TPRN: variants seen among roughly 807,000 people sequenced by gnomAD.
The protein encoded by TPRN is taperin.
In TPRN, 32 loss-of-function variants were observed where a neutral mutation model predicts 42.6. The observed-to-expected ratio is 0.75, with a 90% confidence interval of 0.57 to 1.01. The LOEUF is 1.01. TPRN is among the 50% of genes least tolerant of loss of function. The pLI is 0.00. For missense variants in TPRN, 1,095 were observed against 957.5 expected (o/e 1.14, Z -1.90); for synonymous variants, 541 against 445.6 (o/e 1.21, Z -2.70).
intron 1 of TPRN, chr9:137,193,030 T>TGCCAGCTGGGG (rs1834650330): frequency 2.9e-6 from 1 of 348,604 alleles, no homozygotes; most frequent in African/African-American, 2.1e-5. Flanking sequence ...CTGGGCAGAG[T>TGCCAGCTGGGG]GCCAGCTGGG....
intron 1 of TPRN, chr9:137,193,087 C>T: frequency 3.9e-6 from 1 of 259,036 alleles, no homozygotes; most frequent in Middle Eastern, 1.3e-3. Flanking sequence ...AGCTCTAGAG[C>T]AGGAACAGGG....
Position 137,200,699 on chromosome 9 carries a change from C to G in TPRN, c.13G>C (p.Gly5Arg). 1 of 1,192,394 alleles carries G rather than the reference C, an allele frequency of 8.4e-7. No homozygotes were observed. The highest frequency in any genetic ancestry group is 1.0e-6 in the Non-Finnish European group (1 of 956,640). 73.9% of individuals were successfully genotyped at this position (1,192,394 alleles called of 1,614,324 possible). The change falls in exon 1 of 4, where the codon GGG (glycine) becomes CGG (arginine). Residue 5 changes from glycine to arginine, a missense_variant. Transcript: ENST00000409012. The surrounding 1 kb of genome is among the most constrained non-coding windows in gnomAD (Gnocchi z 4.3). MAAL[G>R]RPGSGPRAAV... The stretch of plus-strand genomic sequence containing the variant: ...GCGCGCGGCCCCGAGCCCGGCCGCC[C>G]CAGGGCGGCCATGCTGCGAACGCGG...
chr9:137,195,331 C>T (rs533193741), intron 1 of TPRN, among the ~76,000 whole-genome samples: 1 of 152,356 alleles, frequency 6.6e-6, no homozygotes, highest in East Asian at 1.9e-4. Flanking sequence ...GAGGGAGGAG[C>T]GTCCAGGCCG....
intron 1 of TPRN, among the ~76,000 whole-genome samples, chr9:137,196,501 C>T (rs1287224113): frequency 5.3e-5 from 8 of 152,288 alleles, no homozygotes; most frequent in South Asian, 2.1e-4. Context: ...GCAGGAGAAT[C>T]GCTTGAACCC....
At position 137,200,595 on chromosome 9, in the gene TPRN, G is replaced by A. The variant is rs1834794864; in HGVS notation, c.117C>T (p.Pro39=). The A allele has an allele frequency of 8.7e-7, 1 of 1,154,966 alleles. No homozygotes were observed. Among genetic ancestry groups the A allele is most frequent in the Non-Finnish European group, 1.1e-6 (1 of 942,410 alleles). The allele number at this position is 1,154,966 out of a possible 1,614,324, so 71.5% of individuals were successfully genotyped here. ...CCCGCTGCTCGGGCTCCGCCGCCCCGGGCCCCGCGCCCCCGCCCAGCGCGG... is the reference window on the plus strand; with the variant it reads ...CCCGCTGCTCGGGCTCCGCCGCCCCAGGCCCCGCGCCCCCGCCCAGCGCGG... ...KLAALGGGAG[P]GAAEPEQRVL... Residue 39 remains proline (P), a synonymous_variant, in exon 1 of 4, where the codon CCC becomes CCT. Coordinates refer to ENST00000409012, the MANE Select transcript of TPRN (RefSeq NM_001128228.3). This position sits in a 1 kb window ranked among gnomAD's most constrained non-coding sequence, Gnocchi z 4.3.
Position 137,200,286 on chromosome 9 carries a change from C to A in TPRN, c.426G>T (p.Pro142=), listed in dbSNP as rs1478692998. The A allele has an allele frequency of 2.0e-5, 20 of 986,182 alleles. No individual in the cohort carries two copies. The African/African-American group carries it at 3.4e-4, about 17-fold the overall frequency. The allele number at this position is 986,182 out of a possible 1,614,324, so 61.1% of individuals were successfully genotyped here. Residue 142 remains proline, a synonymous_variant, in exon 1 of 4, where the codon CCG becomes CCT. Coordinates refer to ENST00000409012, the MANE Select transcript of TPRN (RefSeq NM_001128228.3). The surrounding 1 kb of genome is among the most constrained non-coding windows in gnomAD (Gnocchi z 4.3). Reference sequence around the variant, plus strand: ...TCCCGCGGCGGCGCGGCGCGGCGGGCGGGTCGAACCTCTCCAGTAGGCGGC... The same window carrying A: ...TCCCGCGGCGGCGCGGCGCGGCGGGAGGGTCGAACCTCTCCAGTAGGCGGC... ...RVSRLLERFD[P]PAAPRRRGSP...
Position 137,199,545 on chromosome 9 carries a change from C to T in TPRN, c.1167G>A (p.Glu389=). The T allele has an allele frequency of 6.4e-7, 1 of 1,563,066 alleles. No homozygotes were observed. Among genetic ancestry groups the T allele is most frequent in the South Asian group, 1.2e-5 (1 of 85,808 alleles). The change falls in exon 1 of 4, where the codon GAG becomes GAA. Residue 389 remains glutamate, a synonymous_variant. Coordinates refer to ENST00000409012, the MANE Select transcript of TPRN (RefSeq NM_001128228.3). The part of the protein sequence containing the change: ...PALGKSPLEV[E]AQWAVEEGAC... The stretch of plus-strand genomic sequence containing the variant: ...CCCCCTCCTCGACTGCCCACTGTGC[C>T]TCGACCTCCAGGGGGCTCTTCCCGA...
rs1255029320 is a variant in TPRN at position 137,199,820 on chromosome 9, C to G, written c.892G>C (p.Glu298Gln). ...ACTGGCTTGGGGGCCGGCCGTATCT[C>G]GAAGGAGTCGTTGGTGCTGGTGGCT... ...SAATSTNDSF[E>Q]IRPAPKPVME... The change falls in exon 1 of 4, where the codon GAG (glutamate) becomes CAG (glutamine). Residue 298 changes from glutamate (E) to glutamine (Q), a missense_variant. Transcript: ENST00000409012. 6.3e-7 allele frequency: 1 copy of G among 1,587,726 alleles called. No individual in the cohort carries two copies. Among genetic ancestry groups the G allele is most frequent in the South Asian group, 1.1e-5 (1 of 87,778 alleles).
chr9:137,200,326 G>A lies in TPRN; in HGVS notation c.386C>T (p.Pro129Leu). Residue 129 changes from proline (P) to leucine (L), a missense_variant, in exon 1 of 4, where the codon CCG (proline) becomes CTG (leucine). By Grantham distance (98) the Pro-to-Leu change is moderately conservative. Coordinates refer to ENST00000409012, the MANE Select transcript of TPRN (RefSeq NM_001128228.3). The surrounding 1 kb of genome is among the most constrained non-coding windows in gnomAD (Gnocchi z 4.3). ...RAAEVLVYGA[P>L]PGRVSRLLER... Reference sequence around the variant, plus strand: ...CAGTAGGCGGCTGACGCGGCCGGGCGGCGCCCCGTACACCAGCACCTCGGC... The same window carrying A: ...CAGTAGGCGGCTGACGCGGCCGGGCAGCGCCCCGTACACCAGCACCTCGGC... 1 of 1,010,292 alleles carries A rather than the reference G, an allele frequency of 9.9e-7. No homozygotes were observed. The highest frequency in any genetic ancestry group is 1.2e-6 in the Non-Finnish European group (1 of 849,572). 62.6% of individuals were successfully genotyped at this position (1,010,292 alleles called of 1,614,324 possible).
At chr9:137,195,452 A>G (rs1834691750) in intron 1 of TPRN, among the ~76,000 whole-genome samples, 1 of 152,220 alleles carries the variant, frequency 6.6e-6, no homozygotes. Flanking sequence ...AGCCAACAAC[A>G]GTGAGAGCCT....
rs747358284 is a variant in TPRN at position 137,192,297 on chromosome 9, C to G, written c.2035G>C (p.Ala679Pro). 3 of 1,613,012 alleles carry G rather than the reference C, an allele frequency of 1.9e-6. No individual in the cohort carries two copies. The Admixed American group carries it at 5.0e-5, about 27-fold the overall frequency. ...GGCGGGGGCTCTGCCTCCCTCGGGG[C>G]CTGCTCCAGCGCCTGCTCCTGCCAC... ...SKWQEQALEQ[A>P]PREAEPPPVE... The change falls in exon 3 of 4, where the codon GCC becomes CCC. Residue 679 changes from alanine (A) to proline (P), a missense_variant. Coordinates refer to ENST00000409012, the MANE Select transcript of TPRN (RefSeq NM_001128228.3).
At position 137,200,448 on chromosome 9, in the gene TPRN, G is replaced by A. The variant is rs1364162410; in HGVS notation, c.264C>T (p.Gly88=). 8.9e-7 allele frequency: 1 copy of A among 1,121,786 alleles called. No homozygotes were observed. The highest frequency in any genetic ancestry group is 2.6e-5 in the South Asian group (1 of 38,328). The allele number at this position is 1,121,786 out of a possible 1,614,324, so 69.5% of individuals were successfully genotyped here. A position where few individuals can be genotyped will look rare whatever the true frequency, so the allele number is the denominator to read the frequency against. ...CGCTGTCGGCGCGGAGGGCGCGCAC[G>A]CCAGGCACGCGGCGGTACCGCTCCA... ...RLLERYRRVP[G]VRALRADSVL... is the part of the protein sequence containing the mutation. Residue 88 remains glycine, a synonymous_variant, in exon 1 of 4, where the codon GGC becomes GGT. Transcript: ENST00000409012. The surrounding 1 kb of genome is among the most constrained non-coding windows in gnomAD (Gnocchi z 4.3).
chr9:137,200,686 G>A lies in TPRN; in HGVS notation c.26C>T (p.Ser9Leu). 8.2e-7 allele frequency: 1 copy of A among 1,214,406 alleles called. No homozygotes were observed. Among genetic ancestry groups the A allele is most frequent in the African/African-American group, 1.6e-5 (1 of 61,838 alleles). The allele number at this position is 1,214,406 out of a possible 1,614,324, so 75.2% of individuals were successfully genotyped here. A position where few individuals can be genotyped will look rare whatever the true frequency, so the allele number is the denominator to read the frequency against. The change falls in exon 1 of 4, where the codon TCG (serine) becomes TTG (leucine). Residue 9 changes from serine to leucine, a missense_variant. Physicochemically the swap from Ser to Leu is moderately radical, Grantham distance 145 (BLOSUM62 -2). Coordinates refer to ENST00000409012, the MANE Select transcript of TPRN (RefSeq NM_001128228.3). This position sits in a 1 kb window ranked among gnomAD's most constrained non-coding sequence, Gnocchi z 4.3. MAALGRPG[S>L]GPRAAVPAWK... ...AGCGGGCACCGCAGCGCGCGGCCCC[G>A]AGCCCGGCCGCCCCAGGGCGGCCAT...
At chr9:137,192,803 C>A in intron 1 of TPRN, 112 bp from the exon 2 acceptor site, 1 of 1,169,298 alleles carries the variant, frequency 8.6e-7, no homozygotes. Flanking sequence ...GCGCCAGACA[C>A]ACCATCAACC....
rs9411313 is a variant in TPRN, at chr9:137,200,153, C to T, written c.559G>A (p.Ala187Thr). Residue 187 changes from alanine to threonine, a missense_variant, in exon 1 of 4, where the codon GCG (alanine) becomes ACG (threonine). Transcript: ENST00000409012. The surrounding 1 kb of genome is among the most constrained non-coding windows in gnomAD (Gnocchi z 4.3). ...PAAPGPRGGG[A>T]SPGARRSDFL... The stretch of plus-strand genomic sequence containing the variant: ...TCGCTGCGCCGGGCCCCGGGGCTCG[C>T]CCCGCCACCGCGGGGCCCGGGCGCG... 1 of 1,209,658 alleles carries T rather than the reference C, an allele frequency of 8.3e-7. No homozygotes were observed. Among genetic ancestry groups the T allele is most frequent in the Non-Finnish European group, 1.0e-6 (1 of 975,796 alleles). The allele number at this position is 1,209,658 out of a possible 1,614,324, so 74.9% of individuals were successfully genotyped here.
chr9:137,192,836 G>C (rs550247690), intron 1 of TPRN, 145 bp from the exon 2 acceptor site: 4 of 831,070 alleles, frequency 4.8e-6, no homozygotes, highest in Non-Finnish European at 7.7e-6. Flanking sequence ...CCAGGAGGGG[G>C]CACAGAGCTC....
chr9:137,200,386 G>A lies in TPRN; in HGVS notation c.326C>T (p.Ala109Val). The A allele has an allele frequency of 1.8e-6, 2 of 1,089,048 alleles. No individual in the cohort carries two copies. The highest frequency in any genetic ancestry group is 3.0e-5 in the South Asian group (1 of 33,540). 67.5% of individuals were successfully genotyped at this position (1,089,048 alleles called of 1,614,324 possible). Residue 109 changes from alanine (A) to valine (V), a missense_variant, in exon 1 of 4, where the codon GCG becomes GTG. Coordinates refer to ENST00000409012, the MANE Select transcript of TPRN (RefSeq NM_001128228.3). This position sits in a 1 kb window ranked among gnomAD's most constrained non-coding sequence, Gnocchi z 4.3. ...IIETVPGFPP[A>V]PPAPGAAQIR... ...CTGCGCGGCCCCCGGGGCGGGCGGC[G>A]CGGGCGGGAAGCCGGGCACCGTCTC...
intron 1 of TPRN, 109 bp downstream of exon 1, chr9:137,198,878 A>G: frequency 6.3e-7 from 1 of 1,586,204 alleles, no homozygotes; most frequent in Non-Finnish European, 8.5e-7. Flanking sequence ...TGTAGAAACC[A>G]TCCTTTGCCC....
rs751378916 is a variant in TPRN, at chr9:137,199,296, T to A, written c.1416A>T (p.Leu472=). ...DSEEAPQAAK[L]PYLPHPARPL... is the part of the protein sequence containing the mutation. ...GCCTGGCAGGGTGCGGGAGGTAGGG[T>A]AGTTTGGCTGCTTGGGGGGCCTCCT... The change falls in exon 1 of 4, where the codon CTA becomes CTT. Residue 472 remains leucine, a synonymous_variant. Coordinates refer to ENST00000409012, the MANE Select transcript of TPRN (RefSeq NM_001128228.3). 15 of 1,611,284 alleles carry A rather than the reference T, an allele frequency of 9.3e-6. No individual in the cohort carries two copies. In the Admixed American group the frequency reaches 1.3e-4, roughly 14 times the overall value.
Sources: gnomAD v4.1 joint callset for allele counts (sites outside exome capture counted in the v4.1 genomes callset) on GRCh38, gnomAD v4.1.1 for gene constraint, Gnocchi (gnomAD v3.1) non-coding constraint, MANE v1.5 for transcripts, NCBI Gene and HGNC (gene_info 2026-07-23, HGNC 2026-07-21) for gene names.